The following ECE2 variants were observed in gnomAD, a reference collection of about 807,000 sequenced individuals.
ECE2 encodes endothelin-converting enzyme 2.
A neutral mutation model predicts 100.6 loss-of-function variants in ECE2; 81 were observed. The observed-to-expected ratio is 0.81, with a 90% CI of 0.67 to 0.97. The LOEUF (loss-of-function observed/expected upper bound fraction) is 0.97, where lower values mean the gene tolerates loss of function less well. ECE2 is among the 50% of genes least tolerant of loss of function. The probability of loss-of-function intolerance (pLI) is 0.00; values close to 1 mark genes in which losing one functional copy is unlikely to be tolerated. For synonymous variants in ECE2, 391 were observed against 391.5 expected (o/e 1.00, Z 0.02); for missense variants, 911 against 988.1 (o/e 0.92, Z 1.05).
rs1278940620 is a variant in ECE2 at position 184,287,867 on chromosome 3, T to TC, written c.1296dup (p.Asn433GlnfsTer4). 6.2e-7 allele frequency: 1 copy of TC among 1,614,020 alleles called. No homozygotes were observed. Among genetic ancestry groups the TC allele is most frequent in the African/African-American group, 1.3e-5 (1 of 74,928 alleles). On this transcript the variant is annotated frameshift_variant, in exon 11 of 19. Transcript: ENST00000404464. LOFTEE classifies it high-confidence loss of function. ...TGTGCCGAGGTGGCAGACCTGCATCTCCAACACGGATGACGCCCTTGGCTT... is the reference window on the plus strand; with the variant it reads ...TGTGCCGAGGTGGCAGACCTGCATCTCCCAACACGGATGACGCCCTTGGCTT...
At chr3:184,278,100 G>A (rs374236251) in intron 5 of ECE2, 51 bp downstream of exon 5, 1 of 1,613,390 alleles carries the variant, frequency 6.2e-7, no homozygotes, top group African/African-American at 1.3e-5. Flanking sequence ...GGCCTTGAGA[G>A]AGGAGATGGC....
At chr3:184,278,738 T>A (rs1720687077) in intron 7 of ECE2, 181 bp downstream of exon 7, 3 of 626,706 alleles carry the variant, frequency 4.8e-6, no homozygotes, top group Non-Finnish European at 8.3e-6. Context: ...CTTCCCCTTT[T>A]CCTTCCTTCC....
intron 10 of ECE2, among the ~76,000 whole-genome samples, chr3:184,287,002 C>T (rs1007997253): frequency 1.3e-5 from 2 of 149,368 alleles, no homozygotes; most frequent in Non-Finnish European, 3.0e-5. Context: ...GGCAGGGCGC[C>T]GTAGCTCATG....
intron 1 of ECE2, 140 bp from the exon 2 acceptor site, chr3:184,276,341 C>T: frequency 2.2e-6 from 3 of 1,392,062 alleles, no homozygotes; most frequent in Non-Finnish European, 2.9e-6. Context: ...AGACCCCGGG[C>T]CCGAGAGCAG....
intron 7 of ECE2, among the ~76,000 whole-genome samples, chr3:184,282,516 G>C (rs1005513594): frequency 2.6e-5 from 4 of 152,200 alleles, no homozygotes; most frequent in African/African-American, 7.2e-5. Flanking sequence ...TTATTCAACA[G>C]ATATTTATTG....
In ECE2 at chr3:184,285,572, A is replaced by G. The variant is rs1284102536; in HGVS notation, c.1243A>G (p.Thr415Ala). 6.2e-7 allele frequency: 1 copy of G among 1,613,716 alleles called. No homozygotes were observed. Among genetic ancestry groups the G allele is most frequent in the African/African-American group, 1.3e-5 (1 of 74,830 alleles). ...FESAQEKLLE[T>A]LYGTKKSCVP... ...GTCTGCACAAGAGAAGCTGCTGGAG[A>G]CCCTCTATGGCACTAAGAAGGTGGG... is the stretch of plus-strand genomic sequence containing the variant. The change falls in exon 10 of 19, where the codon ACC becomes GCC. Residue 415 changes from threonine to alanine, a missense_variant. Physicochemically the swap from Thr to Ala is moderately conservative, Grantham distance 58. Coordinates refer to ENST00000404464, the MANE Select transcript of ECE2 (RefSeq NM_001100121.2).
intron 7 of ECE2, among the ~76,000 whole-genome samples, chr3:184,279,309 C>CAAAAAAAAA (rs60647349): frequency 5.1e-5 from 4 of 79,146 alleles, no homozygotes; most frequent in African/African-American, 9.6e-5. Flanking sequence ...GACTCCGACT[C>CAAAAAAAAA]AAAAAAAAAA....
Position 184,291,189 on chromosome 3 carries a change from G to A in ECE2, c.1984G>A (p.Glu662Lys), listed in dbSNP as rs1297037553. Residue 662 changes from glutamate (E) to lysine (K), a missense_variant, in exon 17 of 19, where the codon GAG becomes AAG. Physicochemically the swap from Glu to Lys is moderately conservative, Grantham distance 56. Coordinates refer to ENST00000404464, the MANE Select transcript of ECE2 (RefSeq NM_001100121.2). The surrounding 1 kb of genome is among the most constrained non-coding windows in gnomAD (Gnocchi z 4.1). ...GCTCAACGGCCGCCAGACGCTGGGG[G>A]AGAACATTGCTGACAACGGGGGGCT... Reference protein sequence around the residue: ...ERLNGRQTLGENIADNGGLKA... With the variant: ...ERLNGRQTLGKNIADNGGLKA... The A allele has an allele frequency of 2.5e-6, 4 of 1,613,784 alleles. No individual in the cohort carries two copies. Among genetic ancestry groups the A allele is most frequent in the Non-Finnish European group, 3.4e-6 (4 of 1,179,908 alleles).
intron 6 of ECE2, 40 bp downstream of exon 6, chr3:184,278,353 C>T: frequency 4.4e-6 from 7 of 1,604,880 alleles, no homozygotes; most frequent in Non-Finnish European, 6.0e-6. Flanking sequence ...CTTAGGGACA[C>T]TTTGCTGAGC....
rs1016933392 is a variant in ECE2 at position 184,285,175 on chromosome 3, G to A, written c.1148+70G>A. On this transcript the variant is annotated intron_variant, in intron 9 of 18. Coordinates refer to ENST00000404464, the MANE Select transcript of ECE2 (RefSeq NM_001100121.2). ...CAGCAAGGCTGGGCATAATGGACAG[G>A]CCCAGCCACACAGAACAACATTTGG... The A allele has an allele frequency of 2.6e-6, 4 of 1,557,718 alleles. No individual in the cohort carries two copies. The African/African-American group carries it at 5.5e-5, about 21-fold the overall frequency.
At position 184,285,302 on chromosome 3, in the gene ECE2, T is replaced by C. The variant is rs1331206478; in HGVS notation, c.1149-176T>C. 3.3e-5 allele frequency among the ~76,000 whole-genome samples: 5 copies of C among 152,184 alleles called. No homozygotes were observed. The East Asian group carries it at 9.7e-4, about 29-fold the overall frequency. ...CCTGTGATCTCTGTCCCCCCACTGC[T>C]CTCCAACCTGACCTCTACAGGCAGG... is the stretch of plus-strand genomic sequence containing the variant. On this transcript the variant is annotated intron_variant, in intron 9 of 18. Transcript: ENST00000404464.
At chr3:184,290,711 GTGGT>G in intron 15 of ECE2, 44 bp downstream of exon 15, 1 of 1,612,946 alleles carries the variant, frequency 6.2e-7, no homozygotes, top group East Asian at 2.2e-5. Flanking sequence ...GCCTGGGCCT[GTGGT>G]TGAGCTGGGA....
Position 184,291,651 on chromosome 3 carries a change from CT to C in ECE2, c.2121+214del, listed in dbSNP as rs2108434743. 1.9e-6 allele frequency: 1 copy of C among 528,764 alleles called. No individual in the cohort carries two copies. Among genetic ancestry groups the C allele is most frequent in the African/African-American group, 1.9e-5 (1 of 52,074 alleles). The allele number at this position is 528,764 out of a possible 1,614,324, so 32.8% of individuals were successfully genotyped here. A position where few individuals can be genotyped will look rare whatever the true frequency, so the allele number is the denominator to read the frequency against. On this transcript the variant is annotated intron_variant, in intron 18 of 18. Transcript: ENST00000404464. This position sits in a 1 kb window ranked among gnomAD's most constrained non-coding sequence, Gnocchi z 4.1. ...TGAAGAGGCCTGAGCGGGAGAATGCCTTGGTAGGATTTCGCATAGTTCAAAG... is the reference window on the plus strand; with the variant it reads ...TGAAGAGGCCTGAGCGGGAGAATGCCTGGTAGGATTTCGCATAGTTCAAAG...
chr3:184,289,830 T>C lies in ECE2; in HGVS notation c.1551+112T>C. ...GAAAGAGGTGCTTGTCGGTTTCTTT[T>C]AGAGGCAGATGGAGGTAACCAGCAT... On this transcript the variant is annotated intron_variant, in intron 13 of 18. Coordinates refer to ENST00000404464, the MANE Select transcript of ECE2 (RefSeq NM_001100121.2). The surrounding 1 kb of genome is among the most constrained non-coding windows in gnomAD (Gnocchi z 4.1). 1.1e-6 allele frequency: 1 copy of C among 946,508 alleles called. No homozygotes were observed. The highest frequency in any genetic ancestry group is 1.6e-6 in the Non-Finnish European group (1 of 642,446). The allele number at this position is 946,508 out of a possible 1,614,324, so 58.6% of individuals were successfully genotyped here.
At chr3:184,280,692 A>G (rs1255344082) in intron 7 of ECE2, among the ~76,000 whole-genome samples, 1 of 151,866 alleles carries the variant, frequency 6.6e-6, no homozygotes, top group Non-Finnish European at 1.5e-5. Flanking sequence ...AAAATACAAA[A>G]ATTGGGCCGG....
chr3:184,291,660 A>G lies in ECE2; in HGVS notation c.2121+221A>G. On this transcript the variant is annotated intron_variant, in intron 18 of 18. Coordinates refer to ENST00000404464, the MANE Select transcript of ECE2 (RefSeq NM_001100121.2). This position sits in a 1 kb window ranked among gnomAD's most constrained non-coding sequence, Gnocchi z 4.1. ...CTGAGCGGGAGAATGCCTTGGTAGG[A>G]TTTCGCATAGTTCAAAGGGCAAGGT... 1 of 524,568 alleles carries G rather than the reference A, an allele frequency of 1.9e-6. No individual in the cohort carries two copies. Among genetic ancestry groups the G allele is most frequent in the Non-Finnish European group, 3.3e-6 (1 of 299,414 alleles). The allele number at this position is 524,568 out of a possible 1,614,324, so 32.5% of individuals were successfully genotyped here.
chr3:184,287,951 A>G lies in ECE2; in HGVS notation c.1374+4A>G. The stretch of plus-strand genomic sequence containing the variant: ...TGACCGGCAAAGCAAAGAAATTGTG[A>G]GTCTACAAGATTCTTTCAACACTAT... On this transcript the variant is annotated splice_donor_region_variant and intron_variant, in intron 11 of 18. Transcript: ENST00000404464. The G allele has an allele frequency of 6.2e-7, 1 of 1,613,240 alleles. No individual in the cohort carries two copies. The highest frequency in any genetic ancestry group is 8.5e-7 in the Non-Finnish European group (1 of 1,179,250).
Position 184,276,059 on chromosome 3 carries a change from C to T in ECE2, c.-95C>T. On this transcript the variant is annotated 5_prime_UTR_variant, in exon 1 of 19. Coordinates refer to ENST00000404464, the MANE Select transcript of ECE2 (RefSeq NM_001100121.2). Reference sequence around the variant, plus strand: ...GGGTGCTGCGCGGCGGCCGTGATGGCTGGTGACGGCGGGGCCGGGCAGGGG... The same window carrying T: ...GGGTGCTGCGCGGCGGCCGTGATGGTTGGTGACGGCGGGGCCGGGCAGGGG... 8.4e-7 allele frequency: 1 copy of T among 1,184,676 alleles called. No homozygotes were observed. Among genetic ancestry groups the T allele is most frequent in the Non-Finnish European group, 1.0e-6 (1 of 957,066 alleles). 73.4% of individuals were successfully genotyped at this position (1,184,676 alleles called of 1,614,324 possible).
intron 7 of ECE2, among the ~76,000 whole-genome samples, chr3:184,280,870 T>C (rs1420546901): frequency 6.6e-6 from 1 of 151,852 alleles, no homozygotes; most frequent in Non-Finnish European, 1.5e-5. Context: ...TCCCAGCTAC[T>C]TGGAAGGCCG....
Sources: gnomAD v4.1 joint callset for allele counts (sites outside exome capture counted in the v4.1 genomes callset) on GRCh38, gnomAD v4.1.1 for gene constraint, Gnocchi (gnomAD v3.1) non-coding constraint, MANE v1.5 for transcripts, NCBI Gene and HGNC (gene_info 2026-07-23, HGNC 2026-07-21) for gene names.